The following EYA4 variants were observed in gnomAD, a reference collection of about 807,000 sequenced individuals.
EYA4 encodes the protein protein phosphatase EYA4.
EYA4 carries 31 observed loss-of-function variants against 87.9 expected under a neutral mutation model. The ratio of observed to expected loss-of-function variants is 0.35; its 90% CI spans 0.27 to 0.48. EYA4 has a LOEUF of 0.48. Ranked by LOEUF, EYA4 falls within the 20% of genes least tolerant of loss-of-function variation. The pLI is 0.99. For synonymous variants in EYA4, 263 were observed against 270.6 expected, an observed-to-expected ratio of 0.97 and a Z score of 0.28; for missense variants, 678 against 761.4, an observed-to-expected ratio of 0.89 and a Z score of 1.29.
At chr6:133,508,514 G>A (rs1406458560) in intron 14 of EYA4, among the ~76,000 whole-genome samples, 1 of 151,992 alleles carries the variant, frequency 6.6e-6, no homozygotes, top group Non-Finnish European at 1.5e-5. Flanking sequence ...AAAGAAAAAA[G>A]AAATTTTATG....
In EYA4 at chr6:133,529,131, A is replaced by G. The variant is rs1354377148; in HGVS notation, c.*326A>G. The G allele has an allele frequency of 5.0e-6, 6 of 1,190,998 alleles. No individual in the cohort carries two copies. The highest frequency in any genetic ancestry group is 1.6e-5 in the African/African-American group (1 of 62,862). The allele number at this position is 1,190,998 out of a possible 1,614,324, so 73.8% of individuals were successfully genotyped here. Reference sequence around the variant, plus strand: ...TTACCCTGGCAAAGCAGCAACACACATGCTCCGTCTGACAAGGTGGTCAAC... The same window carrying G: ...TTACCCTGGCAAAGCAGCAACACACGTGCTCCGTCTGACAAGGTGGTCAAC... On this transcript the variant is annotated 3_prime_UTR_variant, in exon 20 of 20. Transcript: ENST00000355286.
intron 11 of EYA4, among the ~76,000 whole-genome samples, chr6:133,476,496 C>T (rs1795746886): frequency 6.6e-6 from 1 of 152,048 alleles, no homozygotes; most frequent in African/African-American, 2.4e-5. Context: ...TAAATGAGGT[C>T]ATGTAGTATT....
At chr6:133,446,550 T>C in intron 3 of EYA4, 80 bp from the exon 4 acceptor site, 1 of 1,507,124 alleles carries the variant, frequency 6.6e-7, no homozygotes, top group Non-Finnish European at 9.2e-7. Context: ...GATCACGTGG[T>C]CAATAGAATA....
At chr6:133,404,569 T>C (rs901610156) in intron 3 of EYA4, among the ~76,000 whole-genome samples, 1 of 152,286 alleles carries the variant, frequency 6.6e-6, no homozygotes, top group Non-Finnish European at 1.5e-5. Context: ...CATATGGTCA[T>C]GCTAAATAAA....
At chr6:133,340,550 G>A (rs1782705499) in intron 2 of EYA4, among the ~76,000 whole-genome samples, 1 of 152,178 alleles carries the variant, frequency 6.6e-6, no homozygotes, top group African/African-American at 2.4e-5. Flanking sequence ...AGACTTCATA[G>A]ACATGAGAAA....
At chr6:133,451,293 A>G (rs980127061) in intron 5 of EYA4, among the ~76,000 whole-genome samples, 1 of 152,242 alleles carries the variant, frequency 6.6e-6, no homozygotes, top group Non-Finnish European at 1.5e-5. Context: ...TTCTTAGCTT[A>G]AAACCATACA....
chr6:133,365,686 T>C (rs1784804309), intron 2 of EYA4, among the ~76,000 whole-genome samples: 1 of 152,050 alleles, frequency 6.6e-6, no homozygotes, highest in Non-Finnish European at 1.5e-5. Context: ...CTGGCTAGTT[T>C]GAGTAATTTC....
intron 19 of EYA4, among the ~76,000 whole-genome samples, chr6:133,527,970 T>G (rs73546861): frequency 6.6e-6 from 1 of 152,170 alleles, no homozygotes; most frequent in African/African-American, 2.4e-5. Context: ...TTTCATGAAA[T>G]TTTAATGTCA....
At chr6:133,407,436 T>G (rs939243042) in intron 3 of EYA4, among the ~76,000 whole-genome samples, 1 of 152,094 alleles carries the variant, frequency 6.6e-6, no homozygotes. Flanking sequence ...GGGCTTTGGC[T>G]GTTACTCACT....
chr6:133,480,198 C>CTGATCGGAGTGAT (rs1421507771), intron 11 of EYA4, among the ~76,000 whole-genome samples: 1 of 152,136 alleles, frequency 6.6e-6, no homozygotes, highest in Non-Finnish European at 1.5e-5. Context: ...TGGAGATGGA[C>CTGATCGGAGTGAT]TGATCGGAGT....
At position 133,378,435 on chromosome 6, in the gene EYA4, ATTG is replaced by A. The variant is rs1187290331; in HGVS notation, c.34-3954_34-3952del. On this transcript the variant is annotated intron_variant, in intron 2 of 19. Transcript: ENST00000355286. ...TGCTTAATAAATGGCAGTAATTATT[ATTG>A]TTATGTAATTGAAGTCAAATTTTAA... is the stretch of plus-strand genomic sequence containing the variant. Among the ~76,000 whole-genome samples the A allele has an allele frequency of 2.6e-5, 4 of 152,284 alleles. No homozygotes were observed. In the East Asian group the frequency reaches 5.8e-4, roughly 22 times the overall value.
At chr6:133,333,181 GT>G (rs1314249889) in intron 2 of EYA4, among the ~76,000 whole-genome samples, 1 of 152,180 alleles carries the variant, frequency 6.6e-6, no homozygotes, top group Non-Finnish European at 1.5e-5. Flanking sequence ...CCACTAGACT[GT>G]AAGCCTTGAG....
chr6:133,481,415 G>T, intron 11 of EYA4, 48 bp from the exon 12 acceptor site: 1 of 1,567,918 alleles, frequency 6.4e-7, no homozygotes, highest in South Asian at 1.1e-5. Flanking sequence ...ACTCATACTT[G>T]ATCTAAAAAT....
chr6:133,480,383 C>T (rs1331418175), intron 11 of EYA4, among the ~76,000 whole-genome samples: 1 of 152,094 alleles, frequency 6.6e-6, no homozygotes, highest in African/African-American at 2.4e-5. Context: ...ATTTTTATCG[C>T]ATTTTGGGGA....
At chr6:133,324,449 T>C (rs1409303684) in intron 2 of EYA4, among the ~76,000 whole-genome samples, 5 of 152,222 alleles carry the variant, frequency 3.3e-5, no homozygotes, top group Non-Finnish European at 7.3e-5. Flanking sequence ...AGAAGTGTTA[T>C]ATAGTACTTG....
In EYA4 at chr6:133,483,099, C is replaced by G; in HGVS notation, c.1175C>G (p.Ala392Gly). ...VFHSLLTGSY[A>G]QKYGKDPPMA... is the part of the protein sequence containing the mutation. ...CACTCACTGCTCACCGGGTCTTATGCACAGAAGTATGGCAAGGTAAGAAAT... is the reference window on the plus strand; with the variant it reads ...CACTCACTGCTCACCGGGTCTTATGGACAGAAGTATGGCAAGGTAAGAAAT... The change falls in exon 13 of 20, where the codon GCA becomes GGA. Residue 392 changes from alanine to glycine, a missense_variant. Physicochemically the swap from Ala to Gly is moderately conservative, Grantham distance 60. Transcript: ENST00000355286. 1 of 1,611,342 alleles carries G rather than the reference C, an allele frequency of 6.2e-7. No homozygotes were observed.
At chr6:133,526,007 C>A in intron 19 of EYA4, 2 of 639,380 alleles carry the variant, frequency 3.1e-6, no homozygotes, top group Non-Finnish European at 3.9e-6. Flanking sequence ...ATCCCATGGG[C>A]CCTAAGTATT....
chr6:133,331,170 C>G (rs1486097426), intron 2 of EYA4, among the ~76,000 whole-genome samples: 1 of 151,506 alleles, frequency 6.6e-6, no homozygotes, highest in East Asian at 1.9e-4. Flanking sequence ...AATGAATGGG[C>G]TCTGTGCATT....
chr6:133,474,522 A>C (rs916764570), intron 11 of EYA4, among the ~76,000 whole-genome samples: 2 of 152,130 alleles, frequency 1.3e-5, no homozygotes, highest in African/African-American at 4.8e-5. Flanking sequence ...CAAGAAATAT[A>C]GTTTGACATC....
Sources: gnomAD v4.1 joint callset for allele counts (sites outside exome capture counted in the v4.1 genomes callset) on GRCh38, gnomAD v4.1.1 for gene constraint, MANE v1.5 for transcripts, NCBI Gene and HGNC (gene_info 2026-07-23, HGNC 2026-07-21) for gene names.